Variants in PTPRD observed in about 807,000 individuals in gnomAD.
PTPRD encodes the protein protein tyrosine phosphatase receptor type D.
In PTPRD, 34 loss-of-function variants were observed where a neutral mutation model predicts 214.5. The ratio of observed to expected loss-of-function variants is 0.16; its 90% CI spans 0.12 to 0.21. PTPRD has a LOEUF of 0.21. PTPRD is among the 10% of genes least tolerant of loss of function. The pLI is 1.00. For synonymous variants in PTPRD, 1,128 were observed against 845.7 expected, an observed-to-expected ratio of 1.33 and a Z score of -5.79; for missense variants, 2,545 against 2,398.7, an observed-to-expected ratio of 1.06 and a Z score of -1.27.
intron 10 of PTPRD, among the ~76,000 whole-genome samples, chr9:9,092,530 G>A (rs1012126315): frequency 6.6e-6 from 1 of 151,986 alleles, no homozygotes; most frequent in African/African-American, 2.4e-5. Context: ...TACAAATTAA[G>A]TGTAATAGTT....
chr9:9,480,850 A>G (rs949645149), intron 8 of PTPRD, among the ~76,000 whole-genome samples: 8 of 152,134 alleles, frequency 5.3e-5, no homozygotes, highest in African/African-American at 7.2e-5. Flanking sequence ...CTGATATCAT[A>G]TTTGAAAGAA....
chr9:9,652,702 C>A (rs1021487340), intron 7 of PTPRD, among the ~76,000 whole-genome samples: 6 of 151,656 alleles, frequency 4.0e-5, no homozygotes, highest in Non-Finnish European at 7.4e-5. Flanking sequence ...GCAATCTCCA[C>A]CTCCCAGGTT....
chr9:10,340,343 C>G (rs1330401177), intron 3 of PTPRD, among the ~76,000 whole-genome samples: 1 of 151,928 alleles, frequency 6.6e-6, no homozygotes, highest in Non-Finnish European at 1.5e-5. Context: ...TATACAGGGT[C>G]AACCCAAGTG....
At chr9:10,514,820 A>G (rs1263629027) in intron 2 of PTPRD, among the ~76,000 whole-genome samples, 1 of 152,062 alleles carries the variant, frequency 6.6e-6, no homozygotes, top group Non-Finnish European at 1.5e-5. Flanking sequence ...TGGTTCTTTA[A>G]AAAGTATGAA....
At chr9:9,422,455 C>A (rs1360273169) in intron 8 of PTPRD, among the ~76,000 whole-genome samples, 2 of 152,078 alleles carry the variant, frequency 1.3e-5, no homozygotes, top group Non-Finnish European at 2.9e-5. Flanking sequence ...TACACACAGA[C>A]AAAGAAGCAT....
chr9:9,215,891 G>A lies in PTPRD; in HGVS notation c.-202-32528C>T, dbSNP rs544303711. Among the ~76,000 whole-genome samples the A allele has an allele frequency of 2.0e-5, 3 of 152,288 alleles. No homozygotes were observed. In the East Asian group the frequency reaches 5.8e-4, roughly 29 times the overall value. ...ATGGAGTCAACAGTCTGGTGGAGGA[G>A]ACAGATTAGTAAATGGACAAGTACT... On this transcript the variant is annotated intron_variant, in intron 9 of 45. Transcript: ENST00000381196.
intron 9 of PTPRD, among the ~76,000 whole-genome samples, chr9:9,278,463 G>C (rs1413698196): frequency 6.6e-6 from 1 of 151,230 alleles, no homozygotes. Flanking sequence ...AAGCCACTTA[G>C]AGAAGTTTAC....
intron 2 of PTPRD, among the ~76,000 whole-genome samples, chr9:10,354,489 T>C (rs560418897): frequency 6.6e-6 from 1 of 152,314 alleles, no homozygotes; most frequent in South Asian, 2.1e-4. Flanking sequence ...TTTTAATAAA[T>C]GTGCACAAGA....
At chr9:9,680,032 T>C (rs2097031589) in intron 7 of PTPRD, among the ~76,000 whole-genome samples, 1 of 151,918 alleles carries the variant, frequency 6.6e-6, no homozygotes, top group African/African-American at 2.4e-5. Context: ...AAAAATAATA[T>C]TTCTCTTTGA....
chr9:9,415,310 C>A (rs1420176673), intron 8 of PTPRD, among the ~76,000 whole-genome samples: 2 of 151,938 alleles, frequency 1.3e-5, no homozygotes, highest in African/African-American at 4.8e-5. Flanking sequence ...TCCATCTCTA[C>A]TGAAAATACA....
At chr9:9,029,246 A>G (rs1234432348) in intron 10 of PTPRD, among the ~76,000 whole-genome samples, 1 of 151,886 alleles carries the variant, frequency 6.6e-6, no homozygotes, top group Non-Finnish European at 1.5e-5. Flanking sequence ...GACTTGCATT[A>G]TATTTCTATT....
intron 9 of PTPRD, among the ~76,000 whole-genome samples, chr9:9,220,106 T>C (rs1323353481): frequency 3.3e-5 from 5 of 152,196 alleles, no homozygotes; most frequent in African/African-American, 7.2e-5. Context: ...GCTGTGAACC[T>C]TTTCCTTTAG....
At chr9:10,612,071 C>G (rs933744766) in intron 2 of PTPRD, among the ~76,000 whole-genome samples, 1 of 151,836 alleles carries the variant, frequency 6.6e-6, no homozygotes, top group African/African-American at 2.4e-5. Flanking sequence ...TCTAGATAAC[C>G]ACCCTTAAAT....
At position 10,533,006 on chromosome 9, in the gene PTPRD, A is replaced by C. The variant is rs147816716; in HGVS notation, c.-600+79392T>G. 2.5e-3 allele frequency among the ~76,000 whole-genome samples: 376 copies of C among 152,198 alleles called. 3 individuals are homozygous for C. The highest frequency in any genetic ancestry group is 5.2e-3 in the Admixed American group (80 of 15,254). ...TTTGGATCATAAGAGTAGCTCCTTC[A>C]TGAATAGATTAATGCCCTCTAATGC... On this transcript the variant is annotated intron_variant, in intron 2 of 45. Transcript: ENST00000381196.
At chr9:9,301,550 C>T (rs78040454) in intron 9 of PTPRD, among the ~76,000 whole-genome samples, 1,816 of 151,932 alleles carry the variant, frequency 0.012, 35 homozygotes, top group East Asian at 0.064. Flanking sequence ...CTGTGTTGTT[C>T]TGTATTTACA....
chr9:10,289,130 G>C (rs1487246043), intron 3 of PTPRD, among the ~76,000 whole-genome samples: 1 of 151,886 alleles, frequency 6.6e-6, no homozygotes, highest in African/African-American at 2.4e-5. Flanking sequence ...GAGTATAAGA[G>C]TCTATGCTAT....
chr9:9,410,954 T>C (rs2075205844), intron 8 of PTPRD, among the ~76,000 whole-genome samples: 1 of 152,086 alleles, frequency 6.6e-6, no homozygotes, highest in Admixed American at 6.6e-5. Context: ...TTAGAATAAG[T>C]GTGGGCGCGT....
intron 11 of PTPRD, among the ~76,000 whole-genome samples, chr9:8,967,865 T>C (rs1395299763): frequency 1.3e-5 from 2 of 152,046 alleles, no homozygotes; most frequent in East Asian, 3.9e-4. Context: ...AACTCGTCAT[T>C]TAGCATTAGG....
At chr9:8,682,142 T>C (rs895778171) in intron 12 of PTPRD, among the ~76,000 whole-genome samples, 2 of 152,160 alleles carry the variant, frequency 1.3e-5, no homozygotes, top group African/African-American at 4.8e-5. Context: ...AACCACACAA[T>C]GTGCAGAATG....
Sources: gnomAD v4.1 joint callset for allele counts (sites outside exome capture counted in the v4.1 genomes callset) on GRCh38, gnomAD v4.1.1 for gene constraint, MANE v1.5 for transcripts, NCBI Gene and HGNC (gene_info 2026-07-23, HGNC 2026-07-21) for gene names.